Variants in NOP58 observed in about 807,000 individuals in gnomAD.
NOP58 encodes NOP58 ribonucleoprotein.
In NOP58, 44 loss-of-function variants were observed where a neutral mutation model predicts 71.2. The observed-to-expected ratio is 0.62, with a 90% CI of 0.49 to 0.79. The LOEUF is 0.79. Ranked by LOEUF, NOP58 falls within the 30% of genes least tolerant of loss-of-function variation. The pLI, the probability that NOP58 is intolerant of heterozygous loss-of-function variation, is 0.00. For synonymous variants in NOP58, 228 were observed against 200.3 expected (o/e 1.14, Z -1.17); for missense variants, 538 against 620.2 (o/e 0.87, Z 1.41).
Position 202,290,351 on chromosome 2 carries a change from A to G in NOP58, c.528A>G (p.Leu176=). The part of the protein sequence containing the change: ...ISLLDDLDKE[L]NNYIMRCREW... ...TGTTAGATGACTTGGATAAAGAACT[A>G]AACAACTACATTATGCGATGTAGAG... is the stretch of plus-strand genomic sequence containing the variant. The change falls in exon 7 of 15, where the codon CTA becomes CTG. Residue 176 remains leucine, a synonymous_variant. Coordinates refer to ENST00000264279, the MANE Select transcript of NOP58 (RefSeq NM_015934.5). The G allele has an allele frequency of 6.2e-7, 1 of 1,606,882 alleles. No homozygotes were observed. Among genetic ancestry groups the G allele is most frequent in the African/African-American group, 1.3e-5 (1 of 74,816 alleles).
rs1688719389 is a variant in NOP58, at chr2:202,282,356, A to G, written c.181A>G (p.Thr61Ala). 1 of 1,604,908 alleles carries G rather than the reference A, an allele frequency of 6.2e-7. No individual in the cohort carries two copies. The highest frequency in any genetic ancestry group is 8.5e-7 in the Non-Finnish European group (1 of 1,178,064). Residue 61 changes from threonine (T) to alanine (A), a missense_variant, in exon 4 of 15, where the codon ACA (threonine) becomes GCA (alanine). Coordinates refer to ENST00000264279, the MANE Select transcript of NOP58 (RefSeq NM_015934.5). Reference sequence around the variant, plus strand: ...TTTTTCTTTTTCTTGAAAAGCATTCACAGCTCTGATGGAGGGCAAAATCAA... The same window carrying G: ...TTTTTCTTTTTCTTGAAAAGCATTCGCAGCTCTGATGGAGGGCAAAATCAA... The part of the protein sequence containing the change: ...QDTAEALAAF[T>A]ALMEGKINKQ...
intron 1 of NOP58, among the ~76,000 whole-genome samples, chr2:202,274,230 G>A (rs184345912): frequency 3.3e-5 from 5 of 151,724 alleles, no homozygotes; most frequent in African/African-American, 1.2e-4. Context: ...TTTGTTTTTT[G>A]TTTTATTTTT....
At chr2:202,287,581 A>C (rs1041836992) in intron 5 of NOP58, 79 bp from the exon 6 acceptor site, 1 of 1,104,546 alleles carries the variant, frequency 9.1e-7, no homozygotes. Flanking sequence ...AAACAAAAAC[A>C]AAAAAAAACT....
chr2:202,289,966 A>T (rs914695246), intron 6 of NOP58, among the ~76,000 whole-genome samples: 8 of 151,308 alleles, frequency 5.3e-5, no homozygotes, highest in Non-Finnish European at 1.2e-4. Context: ...TTTTTTTTAA[A>T]TTTTTTGCGA....
chr2:202,266,371 T>C (rs577970211), intron 1 of NOP58, among the ~76,000 whole-genome samples: 13 of 152,114 alleles, frequency 8.5e-5, no homozygotes, highest in African/African-American at 3.1e-4. Context: ...CAATCTTGGC[T>C]CACTGCAACC....
intron 14 of NOP58, 93 bp downstream of exon 14, chr2:202,303,150 A>T (rs1689121998): frequency 6.9e-7 from 1 of 1,456,446 alleles, no homozygotes; most frequent in African/African-American, 1.4e-5. Flanking sequence ...CAGGCATTTT[A>T]AAAAATGGTT....
intron 13 of NOP58, among the ~76,000 whole-genome samples, chr2:202,300,892 A>C (rs938961492): frequency 4.6e-5 from 7 of 152,196 alleles, no homozygotes; most frequent in African/African-American, 1.4e-4. Flanking sequence ...GGTTTATTGA[A>C]CACCTACTAG....
chr2:202,265,961 C>G lies in NOP58; in HGVS notation c.20C>G (p.Thr7Arg). 6.2e-7 allele frequency: 1 copy of G among 1,614,176 alleles called. No homozygotes were observed. ...CTCACCATGTTGGTGCTGTTTGAAA[C>G]GTCTGTGGGTTACGCCATCTTTAAG... Reference protein sequence around the residue: MLVLFETSVGYAIFKVL... With the variant: MLVLFERSVGYAIFKVL... The change falls in exon 1 of 15, where the codon ACG (threonine) becomes AGG (arginine). Residue 7 changes from threonine (T) to arginine (R), a missense_variant. Transcript: ENST00000264279.
intron 13 of NOP58, among the ~76,000 whole-genome samples, chr2:202,301,278 A>G (rs984782643): frequency 6.6e-6 from 1 of 151,856 alleles, no homozygotes; most frequent in Non-Finnish European, 1.5e-5. Flanking sequence ...TCCACCTCCC[A>G]GGTTCAAGCA....
Position 202,300,357 on chromosome 2 carries a change from T to C in NOP58, c.1392T>C (p.Ile464=), listed in dbSNP as rs1417008017. The C allele has an allele frequency of 2.5e-6, 4 of 1,586,136 alleles. No homozygotes were observed. The highest frequency in any genetic ancestry group is 4.5e-5 in the East Asian group (2 of 44,386). Residue 464 remains isoleucine, a synonymous_variant, in exon 13 of 15, where the codon ATT becomes ATC. Coordinates refer to ENST00000264279, the MANE Select transcript of NOP58 (RefSeq NM_015934.5). ...ITEKKAKKAK[I]KVKVEEEEEE... ...AAAAGAAAGCCAAAAAAGCCAAGAT[T>C]AAAGTTAAAGGTTAGTTTGAATTTT...
rs777837460 is a variant in NOP58 at position 202,290,434 on chromosome 2, ACT to A, written c.612_613del (p.Tyr204Ter). 1 of 1,610,212 alleles carries A rather than the reference ACT, an allele frequency of 6.2e-7. No homozygotes were observed. Among genetic ancestry groups the A allele is most frequent in the South Asian group, 1.1e-5 (1 of 90,656 alleles). ...AAAATTATTTCAGATAATTTAACATACTGCAAGTGTTTACAGAAAGTTGGTGA... is the reference window on the plus strand; with the variant it reads ...AAAATTATTTCAGATAATTTAACATAGCAAGTGTTTACAGAAAGTTGGTGA... On this transcript the variant is annotated stop_gained and frameshift_variant, in exon 7 of 15. Coordinates refer to ENST00000264279, the MANE Select transcript of NOP58 (RefSeq NM_015934.5). LOFTEE classifies it high-confidence loss of function.
At chr2:202,286,600 A>C (rs1443758490) in intron 5 of NOP58, among the ~76,000 whole-genome samples, 6 of 152,350 alleles carry the variant, frequency 3.9e-5, no homozygotes, top group Non-Finnish European at 7.3e-5. Context: ...GCTAAGCTAG[A>C]GTTAAGAGCA....
chr2:202,298,902 C>CT (rs1335708196), intron 12 of NOP58, among the ~76,000 whole-genome samples: 1 of 150,786 alleles, frequency 6.6e-6, no homozygotes, highest in Non-Finnish European at 1.5e-5. Flanking sequence ...CAAAATGTTC[C>CT]TAGTCATTAA....
At chr2:202,296,172 A>T (rs1574388484) in intron 10 of NOP58, among the ~76,000 whole-genome samples, 1 of 152,136 alleles carries the variant, frequency 6.6e-6, no homozygotes, top group African/African-American at 2.4e-5. Context: ...CATATGCATT[A>T]TGCTAAAACA....
intron 3 of NOP58, among the ~76,000 whole-genome samples, chr2:202,278,831 G>A (rs1393068638): frequency 6.6e-6 from 1 of 152,140 alleles, no homozygotes; most frequent in Non-Finnish European, 1.5e-5. Flanking sequence ...ACAGGAGAAA[G>A]GTACAGTTTT....
chr2:202,290,590 C>A, intron 7 of NOP58, 133 bp downstream of exon 7: 1 of 718,676 alleles, frequency 1.4e-6, no homozygotes, highest in African/African-American at 1.8e-5. Context: ...GGAAGTGTAG[C>A]AGTTTAGTGT....
chr2:202,280,321 A>G lies in NOP58; in HGVS notation c.176-2030A>G, dbSNP rs571124887. On this transcript the variant is annotated intron_variant, in intron 3 of 14. Transcript: ENST00000264279. ...GGCAATATAGCAAGACCCCCTCTCA[A>G]AAAAGATTTTTTTTTTTTTGGAGAT... Among the ~76,000 whole-genome samples, 4 of 152,166 alleles carry G rather than the reference A, an allele frequency of 2.6e-5. No individual in the cohort carries two copies. The South Asian group carries it at 6.2e-4, about 24-fold the overall frequency.
rs763331409 is a variant in NOP58 at position 202,282,345 on chromosome 2, G to T, written c.176-6G>T. 3 of 1,589,094 alleles carry T rather than the reference G, an allele frequency of 1.9e-6. No individual in the cohort carries two copies. The African/African-American group carries it at 4.1e-5, about 22-fold the overall frequency. On this transcript the variant is annotated splice_polypyrimidine_tract_variant and splice_region_variant and intron_variant, in intron 3 of 14. Transcript: ENST00000264279. ...TAATGCTTTTGTTTTTCTTTTTCTT[G>T]AAAAGCATTCACAGCTCTGATGGAG...
chr2:202,296,882 C>T (rs1283113854), intron 10 of NOP58, among the ~76,000 whole-genome samples: 4 of 151,992 alleles, frequency 2.6e-5, no homozygotes, highest in South Asian at 2.1e-4. Flanking sequence ...TACAGGCGCC[C>T]GGCACCACAC....
Sources: allele counts gnomAD v4.1 joint callset (sites outside exome capture counted in the v4.1 genomes callset), GRCh38; gene constraint gnomAD v4.1.1; transcripts MANE v1.5; gene names NCBI Gene and HGNC (gene_info 2026-07-23, HGNC 2026-07-21).